The following AOAH variants were observed in gnomAD, a reference collection of about 807,000 sequenced individuals.
AOAH encodes acyloxyacyl hydrolase.
A neutral mutation model predicts 92.2 loss-of-function variants in AOAH; 64 were observed. The ratio of observed to expected loss-of-function variants is 0.69; its 90% confidence interval spans 0.57 to 0.86. The LOEUF is 0.86. Among genes scored for constraint, AOAH ranks in the 40% least tolerant of loss-of-function variants. The pLI is 0.00. For missense variants in AOAH, 656 were observed against 694.6 expected (o/e 0.94, Z 0.62); for synonymous variants, 263 against 254.5 (o/e 1.03, Z -0.32).
At chr7:36,563,727 T>G (rs1787458094) in intron 13 of AOAH, among the ~76,000 whole-genome samples, 1 of 152,204 alleles carries the variant, frequency 6.6e-6, no homozygotes, top group South Asian at 2.1e-4. Flanking sequence ...ATATTGCAGA[T>G]TTTGCTTTTA....
At chr7:36,535,987 T>C (rs1335133931) in intron 16 of AOAH, among the ~76,000 whole-genome samples, 1 of 152,208 alleles carries the variant, frequency 6.6e-6, no homozygotes, top group Non-Finnish European at 1.5e-5. Context: ...TAGTAGAGGC[T>C]GTGGGGTGCC....
chr7:36,645,961 A>C (rs867972389), intron 4 of AOAH, among the ~76,000 whole-genome samples: 1 of 151,984 alleles, frequency 6.6e-6, no homozygotes, highest in South Asian at 2.1e-4. Context: ...ATTTAATCAC[A>C]CTCTTGCTAT....
chr7:36,552,911 T>C (rs1285662108), intron 13 of AOAH, among the ~76,000 whole-genome samples: 1 of 152,214 alleles, frequency 6.6e-6, no homozygotes, highest in East Asian at 1.9e-4. Flanking sequence ...ATTTAGTTCT[T>C]TTTATGGCTG....
At chr7:36,664,293 AG>A (rs1795408191) in intron 3 of AOAH, among the ~76,000 whole-genome samples, 1 of 152,094 alleles carries the variant, frequency 6.6e-6, no homozygotes, top group South Asian at 2.1e-4. Flanking sequence ...ATTTTTGTGA[AG>A]GATGTAAGGT....
chr7:36,554,397 T>C (rs1442766908), intron 13 of AOAH, among the ~76,000 whole-genome samples: 1 of 152,256 alleles, frequency 6.6e-6, no homozygotes, highest in African/African-American at 2.4e-5. Context: ...CCTTGTAGTA[T>C]AGTTTGAAGT....
At chr7:36,683,497 A>G (rs1796774704) in intron 2 of AOAH, among the ~76,000 whole-genome samples, 1 of 152,230 alleles carries the variant, frequency 6.6e-6, no homozygotes, top group Non-Finnish European at 1.5e-5. Flanking sequence ...CATATGCAAA[A>G]AAACAATTTT....
chr7:36,714,801 TA>T (rs528093328), intron 1 of AOAH, among the ~76,000 whole-genome samples: 208 of 152,298 alleles, frequency 1.4e-3, no homozygotes, highest in African/African-American at 4.7e-3. Context: ...AATCTCTCAA[TA>T]AATTAGGTAT....
intron 3 of AOAH, among the ~76,000 whole-genome samples, chr7:36,663,465 T>A (rs1276956689): frequency 6.6e-6 from 1 of 152,208 alleles, no homozygotes; most frequent in African/African-American, 2.4e-5. Context: ...GTGTTATGCC[T>A]ATTTGTCTCT....
Position 36,537,080 on chromosome 7 carries a change from C to T in AOAH, c.1306+3239G>A, listed in dbSNP as rs528377983. On this transcript the variant is annotated intron_variant, in intron 16 of 20. Coordinates refer to ENST00000617537, the MANE Select transcript of AOAH (RefSeq NM_001637.4). ...GGGGATGCCGGATAAATCCCACCTA[C>T]TTCTCCAGCCTTTCTAGGAAAGACC... Among the ~76,000 whole-genome samples, 14 of 151,456 alleles carry T rather than the reference C, an allele frequency of 9.2e-5. No homozygotes were observed. In the East Asian group the frequency reaches 2.0e-3, roughly 21 times the overall value.
chr7:36,673,996 C>A lies in AOAH; in HGVS notation c.237G>T (p.Leu79Phe), dbSNP rs1431777685. Residue 79 changes from leucine to phenylalanine, a missense_variant, in exon 3 of 21, where the codon TTG (leucine) becomes TTT (phenylalanine). Leu to Phe is a conservative substitution (Grantham distance 22). Transcript: ENST00000617537. Reference protein sequence around the residue: ...LCSYLPEKLFLKTTCYLVIDK... With the variant: ...LCSYLPEKLFFKTTCYLVIDK... ...CAATGACTAAATAGCAGGTGGTTTTCAAGAACAGTTTTTCTAAAAAATATA... is the reference window on the plus strand; with the variant it reads ...CAATGACTAAATAGCAGGTGGTTTTAAAGAACAGTTTTTCTAAAAAATATA... 1.2e-6 allele frequency: 2 copies of A among 1,605,866 alleles called. No individual in the cohort carries two copies. The highest frequency in any genetic ancestry group is 2.7e-5 in the African/African-American group (2 of 74,624).
rs773919276 is a variant in AOAH at position 36,513,103 on chromosome 7, C to G, written c.*149G>C. 4.4e-6 allele frequency: 7 copies of G among 1,596,184 alleles called. No individual in the cohort carries two copies. In the South Asian group the frequency reaches 7.8e-5, roughly 18 times the overall value. On this transcript the variant is annotated 3_prime_UTR_variant, in exon 21 of 21. Transcript: ENST00000617537. ...CATTGCACAGTCGTCCAGATATGCT[C>G]TTCATTGAGAGAAAGACATTTTGCA...
chr7:36,531,256 A>G (rs1035396749), intron 18 of AOAH, among the ~76,000 whole-genome samples: 7 of 152,104 alleles, frequency 4.6e-5, no homozygotes, highest in African/African-American at 1.7e-4. Context: ...GATATTTGTT[A>G]TTGTTCTTTA....
intron 2 of AOAH, among the ~76,000 whole-genome samples, chr7:36,674,585 G>A (rs79561733): frequency 0.013 from 1,940 of 152,298 alleles, 35 homozygotes; most frequent in African/African-American, 0.044. Context: ...CCTGACCTAT[G>A]AGAGCACATG....
In AOAH at chr7:36,674,416, T is replaced by C. The variant is rs369453005; in HGVS notation, c.224-407A>G. 2.8e-4 allele frequency among the ~76,000 whole-genome samples: 43 copies of C among 152,204 alleles called. 1 individual carries two copies. Among genetic ancestry groups the C allele is most frequent in the African/African-American group, 1.0e-3 (43 of 41,440 alleles). ...TGTTAGAAATGGTCTTTTCTGGTGT[T>C]TATTCAAAGGAAAATACTTCACTTG... is the stretch of plus-strand genomic sequence containing the variant. On this transcript the variant is annotated intron_variant, in intron 2 of 20. Coordinates refer to ENST00000617537, the MANE Select transcript of AOAH (RefSeq NM_001637.4).
chr7:36,718,990 A>G (rs1276015374), intron 1 of AOAH, among the ~76,000 whole-genome samples: 1 of 152,228 alleles, frequency 6.6e-6, no homozygotes, highest in Non-Finnish European at 1.5e-5. Flanking sequence ...AAAATATTTT[A>G]CCCTGATTTA....
At chr7:36,575,348 G>C (rs562668602) in intron 13 of AOAH, among the ~76,000 whole-genome samples, 1 of 152,320 alleles carries the variant, frequency 6.6e-6, no homozygotes, top group African/African-American at 2.4e-5. Context: ...TGTGGCTGAG[G>C]AAGAGAGTCT....
At chr7:36,538,261 A>G (rs1419490505) in intron 16 of AOAH, among the ~76,000 whole-genome samples, 3 of 151,930 alleles carry the variant, frequency 2.0e-5, no homozygotes, top group African/African-American at 7.3e-5. Flanking sequence ...CTCTCGCCAC[A>G]GTTGATCCAC....
intron 12 of AOAH, among the ~76,000 whole-genome samples, chr7:36,593,638 G>A (rs1321326512): frequency 6.6e-6 from 1 of 152,220 alleles, no homozygotes; most frequent in Non-Finnish European, 1.5e-5. Flanking sequence ...TGTCATAAAT[G>A]TTTAGGAGAT....
At chr7:36,595,836 G>A (rs1460838614) in intron 11 of AOAH, among the ~76,000 whole-genome samples, 2 of 152,154 alleles carry the variant, frequency 1.3e-5, no homozygotes, top group Admixed American at 6.5e-5. Flanking sequence ...TTGAAAATCC[G>A]TGCTCCCTTC....
Sources: gnomAD v4.1 joint callset for allele counts (sites outside exome capture counted in the v4.1 genomes callset) on GRCh38, gnomAD v4.1.1 for gene constraint, MANE v1.5 for transcripts, NCBI Gene and HGNC (gene_info 2026-07-23, HGNC 2026-07-21) for gene names.